Variants in EPB41L4A observed in about 807,000 individuals in gnomAD.
The protein encoded by EPB41L4A is erythrocyte membrane protein band 4.1 like 4A.
A neutral mutation model predicts 108.6 loss-of-function variants in EPB41L4A; 100 were observed. The observed-to-expected ratio is 0.92, with a 90% CI of 0.78 to 1.09. The LOEUF (loss-of-function observed/expected upper bound fraction) is 1.09, where lower values mean the gene tolerates loss of function less well. Among genes scored for constraint, EPB41L4A ranks in the 50% least tolerant of loss-of-function variants. EPB41L4A has a pLI of 0.00. For missense variants in EPB41L4A, 1,030 were observed against 842.7 expected (o/e 1.22, Z -2.75); for synonymous variants, 319 against 289.0 (o/e 1.10, Z -1.05).
chr5:112,190,800 A>C (rs1048476980), intron 17 of EPB41L4A, among the ~76,000 whole-genome samples: 6 of 152,138 alleles, frequency 3.9e-5, no homozygotes, highest in Non-Finnish European at 8.8e-5. Context: ...ACACAGCAAA[A>C]CCAAGACCCA....
chr5:112,147,682 A>G (rs1461200981), intron 12 of EPB41L4A, among the ~76,000 whole-genome samples: 2 of 151,340 alleles, frequency 1.3e-5, no homozygotes, highest in South Asian at 2.1e-4. Context: ...TGAAAATTCC[A>G]TAAGAGAAAA....
At chr5:112,166,569 C>T (rs1196786950) in intron 22 of EPB41L4A, among the ~76,000 whole-genome samples, 1 of 85,532 alleles carries the variant, frequency 1.2e-5, no homozygotes. Flanking sequence ...TTAAATGCCA[C>T]TCTCTGAGAT....
intron 1 of EPB41L4A, among the ~76,000 whole-genome samples, chr5:112,312,855 G>A (rs887311983): frequency 6.6e-6 from 1 of 152,150 alleles, no homozygotes; most frequent in East Asian, 1.9e-4. Flanking sequence ...TGCAGTTCAG[G>A]TGTAAAGTCT....
intron 1 of EPB41L4A, among the ~76,000 whole-genome samples, chr5:112,370,725 G>A (rs563488824): frequency 1.4e-4 from 22 of 152,244 alleles, no homozygotes; most frequent in African/African-American, 4.8e-4. Context: ...GGCCAACCTG[G>A]CCAACACGGC....
At chr5:112,214,976 C>T (rs1747511469) in intron 12 of EPB41L4A, among the ~76,000 whole-genome samples, 1 of 151,996 alleles carries the variant, frequency 6.6e-6, no homozygotes, top group South Asian at 2.1e-4. Flanking sequence ...CTTCATAAGG[C>T]CTCAAAATCT....
intron 9 of EPB41L4A, among the ~76,000 whole-genome samples, chr5:112,243,692 C>T (rs1396024810): frequency 6.6e-6 from 1 of 152,126 alleles, no homozygotes; most frequent in Admixed American, 6.6e-5. Flanking sequence ...TCACCTTGTA[C>T]TTTTTATGTT....
intron 3 of EPB41L4A, among the ~76,000 whole-genome samples, chr5:112,275,923 C>T (rs1170223569): frequency 6.6e-6 from 1 of 152,080 alleles, no homozygotes; most frequent in Non-Finnish European, 1.5e-5. Flanking sequence ...GTGGAAAAGA[C>T]CAACTATCTA....
At chr5:112,178,170 G>A (rs1244199993) in intron 18 of EPB41L4A, among the ~76,000 whole-genome samples, 2 of 152,042 alleles carry the variant, frequency 1.3e-5, no homozygotes, top group African/African-American at 4.8e-5. Flanking sequence ...CATGAAGAAG[G>A]TATGGTAGAA....
chr5:112,172,511 CAAAAAAA>C (rs144426305), intron 18 of EPB41L4A, among the ~76,000 whole-genome samples: 4 of 99,570 alleles, frequency 4.0e-5, no homozygotes, highest in Admixed American at 1.0e-4. Context: ...GACCCTGTGC[CAAAAAAA>C]AAAAAAAAAA....
intron 16 of EPB41L4A, among the ~76,000 whole-genome samples, 163 bp downstream of exon 16, chr5:112,195,498 A>G (rs1191785324): frequency 1.3e-5 from 2 of 152,112 alleles, no homozygotes; most frequent in Admixed American, 6.6e-5. Flanking sequence ...CAGTCTTAGG[A>G]TGCAACAGAA....
chr5:112,304,407 C>A (rs1754561614), intron 2 of EPB41L4A, among the ~76,000 whole-genome samples: 1 of 152,164 alleles, frequency 6.6e-6, no homozygotes, highest in Non-Finnish European at 1.5e-5. Context: ...AGACCTACAT[C>A]CCCAAACACA....
intron 18 of EPB41L4A, among the ~76,000 whole-genome samples, chr5:112,173,041 C>T (rs982005526): frequency 6.6e-6 from 1 of 152,200 alleles, no homozygotes; most frequent in Non-Finnish European, 1.5e-5. Context: ...CCCTTGGAAG[C>T]AAAACTGCCC....
At chr5:112,319,786 C>T (rs750420437) in intron 1 of EPB41L4A, among the ~76,000 whole-genome samples, 5 of 152,136 alleles carry the variant, frequency 3.3e-5, no homozygotes, top group African/African-American at 4.8e-5. Flanking sequence ...GGACAACCAA[C>T]ATTTGCCTGG....
chr5:112,289,072 A>T (rs2150529252), intron 2 of EPB41L4A, among the ~76,000 whole-genome samples: 1 of 152,340 alleles, frequency 6.6e-6, no homozygotes, highest in Non-Finnish European at 1.5e-5. Flanking sequence ...AGTCAACACT[A>T]TTCCTATCAA....
intron 12 of EPB41L4A, among the ~76,000 whole-genome samples, chr5:112,150,948 T>C (rs1759441226): frequency 6.6e-6 from 1 of 152,176 alleles, no homozygotes; most frequent in Admixed American, 6.5e-5. Flanking sequence ...CTATAAGCAG[T>C]GTTTCTCAAA....
intron 9 of EPB41L4A, among the ~76,000 whole-genome samples, chr5:112,256,286 T>G (rs898818473): frequency 1.3e-5 from 2 of 152,196 alleles, no homozygotes; most frequent in African/African-American, 4.8e-5. Context: ...GTAGTGATAT[T>G]TTCATTAAAA....
intron 12 of EPB41L4A, among the ~76,000 whole-genome samples, chr5:112,217,534 CA>C (rs1222138102): frequency 1.3e-5 from 2 of 151,880 alleles, no homozygotes; most frequent in Admixed American, 1.3e-4. Context: ...CCTATCTCTA[CA>C]AAAAAAGTTT....
intron 12 of EPB41L4A, chr5:112,228,614 T>C (rs1473686961): frequency 1.2e-6 from 1 of 800,014 alleles, no homozygotes; most frequent in African/African-American, 1.9e-5. Flanking sequence ...CACCCATTAC[T>C]TTTCTTATAG....
chr5:112,244,592 G>T (rs1469414640), intron 9 of EPB41L4A, among the ~76,000 whole-genome samples: 1 of 152,172 alleles, frequency 6.6e-6, no homozygotes, highest in Non-Finnish European at 1.5e-5. Context: ...TCACAGATTG[G>T]TTTCATCAGA....
Sources: gnomAD v4.1 joint callset for allele counts (sites outside exome capture counted in the v4.1 genomes callset) on GRCh38, gnomAD v4.1.1 for gene constraint, MANE v1.5 for transcripts, NCBI Gene and HGNC (gene_info 2026-07-23, HGNC 2026-07-21) for gene names.